Variants in PSG7 observed in about 807,000 individuals in gnomAD.
PSG7 encodes the protein pregnancy-specific beta-1-glycoprotein 7.
Under a neutral mutation model 45.6 loss-of-function variants are expected in PSG7, and 57 were observed. The observed-to-expected ratio is 1.25, with a 90% CI of 1.01 to 1.56. The LOEUF (loss-of-function observed/expected upper bound fraction) is 1.56, where lower values mean the gene tolerates loss of function less well. PSG7 is among the 40% of genes most tolerant of loss of function. The pLI, the probability that PSG7 is intolerant of heterozygous loss-of-function variation, is 0.00. For synonymous variants in PSG7, 298 were observed against 194.4 expected (o/e 1.53, Z -4.43); for missense variants, 796 against 508.4 (o/e 1.57, Z -5.44).
At chr19:42,925,051 C>G (rs1291067648) in intron 5 of PSG7, 2 of 552,580 alleles carry the variant, frequency 3.6e-6, no homozygotes, top group Non-Finnish European at 6.3e-6. Context: ...TATGTAGGCT[C>G]TCTTTTAAAA....
At chr19:42,934,869 T>A (rs1973110652) in intron 2 of PSG7, among the ~76,000 whole-genome samples, 1 of 151,712 alleles carries the variant, frequency 6.6e-6, no homozygotes. Flanking sequence ...GGCTGAGCCC[T>A]GGCTGGTGAA....
intron 1 of PSG7, 99 bp downstream of exon 1, chr19:42,936,914 T>TGA: frequency 6.5e-7 from 1 of 1,536,312 alleles, no homozygotes; most frequent in Non-Finnish European, 8.9e-7. Context: ...CCCAAAGTGC[T>TGA]GGCTTCTTTT....
intron 2 of PSG7, among the ~76,000 whole-genome samples, chr19:42,933,285 A>T (rs1568459426): frequency 3.6e-4 from 3 of 8,226 alleles, no homozygotes; most frequent in African/African-American, 1.0e-3. Flanking sequence ...ATATATATAT[A>T]TATATATATA....
At chr19:42,926,415 A>G (rs1244400855) in intron 4 of PSG7, 23 bp downstream of exon 4, 1 of 1,610,188 alleles carries the variant, frequency 6.2e-7, no homozygotes, top group Non-Finnish European at 8.5e-7. Flanking sequence ...ACAGAGGAAG[A>G]AAGGATACTC....
intron 1 of PSG7, 104 bp from the exon 2 acceptor site, chr19:42,935,873 G>C (rs1202152334): frequency 1.6e-4 from 115 of 729,270 alleles, no homozygotes; most frequent in Admixed American, 2.6e-4. Context: ...CAGCCTTGAA[G>C]ACACACACAC....
In PSG7 at chr19:42,926,172, C is replaced by G. The variant is rs181004931; in HGVS notation, c.989-145G>C. On this transcript the variant is annotated intron_variant, in intron 4 of 5. Coordinates refer to ENST00000406070, the MANE Select transcript of PSG7 (RefSeq NM_002783.3). ...CCCCTCTATGTTCACTGAGCCGAAG[C>G]CTGAGGTATTCACCTGTTTCTCCCA... is the stretch of plus-strand genomic sequence containing the variant. 3.0e-5 allele frequency: 44 copies of G among 1,443,456 alleles called. 1 individual carries two copies. The Admixed American group carries it at 6.9e-4, about 23-fold the overall frequency. The allele number at this position is 1,443,456 out of a possible 1,614,324, so 89.4% of individuals were successfully genotyped here. A position where few individuals can be genotyped will look rare whatever the true frequency, so the allele number is the denominator to read the frequency against.
intron 2 of PSG7, among the ~76,000 whole-genome samples, chr19:42,930,999 C>G (rs1246120783): frequency 6.6e-6 from 1 of 151,518 alleles, no homozygotes; most frequent in Non-Finnish European, 1.5e-5. Flanking sequence ...CCACAATGCG[C>G]CAGTGAGCAC....
At chr19:42,932,598 G>A (rs111573589) in intron 2 of PSG7, among the ~76,000 whole-genome samples, 8 of 151,464 alleles carry the variant, frequency 5.3e-5, no homozygotes, top group South Asian at 2.1e-4. Flanking sequence ...GCAAACTAGC[G>A]TGGCTGACTC....
rs1568461441 is a variant in PSG7, at chr19:42,935,915, A to ACAAAAAC, written c.65-147_65-146insGTTTTTG. ...ACACACACACACACACACACACACA[A>ACAAAAAC]ACACACACACACACATATAAAAGGG... On this transcript the variant is annotated intron_variant, in intron 1 of 5. Transcript: ENST00000406070. 1.3e-4 allele frequency: 41 copies of ACAAAAAC among 322,710 alleles called. 2 individuals carry two copies. The highest frequency in any genetic ancestry group is 1.2e-3 in the Admixed American group (16 of 13,352). The allele number at this position is 322,710 out of a possible 1,614,324, so 20.0% of individuals were successfully genotyped here.
intron 3 of PSG7, chr19:42,929,173 T>G (rs1972961657): frequency 4.0e-6 from 3 of 755,890 alleles, no homozygotes; most frequent in Non-Finnish European, 6.0e-6. Flanking sequence ...CCCGCTGTGT[T>G]CATGATCTGG....
At chr19:42,930,849 C>G (rs1315949923) in intron 2 of PSG7, among the ~76,000 whole-genome samples, 1 of 151,588 alleles carries the variant, frequency 6.6e-6, no homozygotes, top group Admixed American at 6.6e-5. Flanking sequence ...TGTACAGCCT[C>G]ATGCCTATAG....
chr19:42,937,020 C>G lies in PSG7; in HGVS notation c.57G>C (p.Leu19=). 3 of 1,611,420 alleles carry G rather than the reference C, an allele frequency of 1.9e-6. No individual in the cohort carries two copies. The highest frequency in any genetic ancestry group is 2.5e-6 in the Non-Finnish European group (3 of 1,178,474). The change falls in exon 1 of 6, where the codon CTG becomes CTC. Residue 19 remains leucine, a synonymous_variant. Transcript: ENST00000406070. The part of the protein sequence containing the change: ...CTQHITWKGL[L]LTASLLNFWN... ...AGGAAGTTCTCTCCTCACCTGTGAG[C>G]AGGAGCCCTTTCCAGGTTATATGCT...
At chr19:42,926,066 G>C (rs200429477) in intron 4 of PSG7, 39 bp from the exon 5 acceptor site, 2 of 1,602,434 alleles carry the variant, frequency 1.2e-6, no homozygotes, top group African/African-American at 2.7e-5. Context: ...GATGTTATCC[G>C]AGGGAAGGGG....
rs879285001 is a variant in PSG7, at chr19:42,929,298, C to G, written c.709+144G>C. The stretch of plus-strand genomic sequence containing the variant: ...TCAAGCCTAGGCCTACTCTGGTTTG[C>G]CTGGGGCAGGAAGTCACCACCAGCT... On this transcript the variant is annotated intron_variant, in intron 3 of 5. Transcript: ENST00000406070. 2.8e-5 allele frequency: 44 copies of G among 1,553,832 alleles called. 1 individual carries two copies. The highest frequency in any genetic ancestry group is 2.0e-4 in the Middle Eastern group (1 of 5,090).
At position 42,929,721 on chromosome 19, in the gene PSG7, C is replaced by G. The variant is rs1972978060; in HGVS notation, c.431-1G>C. On this transcript the variant is annotated splice_acceptor_variant, in intron 2 of 5. Transcript: ENST00000406070. LOFTEE classifies it high-confidence loss of function. ...GAGATGGAGGGTTTGGGAGTCTCCA[C>G]TGTGCGGAAAACAGAGAGAAGATTG... is the stretch of plus-strand genomic sequence containing the variant. The G allele has an allele frequency of 4.3e-6, 7 of 1,611,272 alleles. No homozygotes were observed. The highest frequency in any genetic ancestry group is 5.9e-6 in the Non-Finnish European group (7 of 1,178,588).
At position 42,933,288 on chromosome 19, in the gene PSG7, T is replaced by TAC. The variant is rs1237632040; in HGVS notation, c.430+2115_430+2116insGT. 6.4e-3 allele frequency among the ~76,000 whole-genome samples: 77 copies of TAC among 11,974 alleles called. 5 individuals carry two copies. The highest frequency in any genetic ancestry group is 0.013 in the African/African-American group (68 of 5,388). The allele number at this position is 11,974 out of a possible 152,430, so 7.9% of individuals were successfully genotyped here. On this transcript the variant is annotated intron_variant, in intron 2 of 5. Coordinates refer to ENST00000406070, the MANE Select transcript of PSG7 (RefSeq NM_002783.3). ...TTCAATATATATATATATATATATA[T>TAC]ATATATATATATATATATATTTTTT...
At chr19:42,933,295 A>ATTTTTTTTTTT (rs1168854490) in intron 2 of PSG7, among the ~76,000 whole-genome samples, 1 of 11,900 alleles carries the variant, frequency 8.4e-5, no homozygotes, top group African/African-American at 2.4e-4. Flanking sequence ...ATATATATAT[A>ATTTTTTTTTTT]TATATATATA....
chr19:42,926,783 A>G lies in PSG7; in HGVS notation c.710-67T>C, dbSNP rs547419209. ...TTGATTCCTCCACAGGCATCCTTCA[A>G]TTAGAGTTGGCATCTCCCACCTGTC... On this transcript the variant is annotated intron_variant, in intron 3 of 5. Transcript: ENST00000406070. 11 of 1,587,348 alleles carry G rather than the reference A, an allele frequency of 6.9e-6. 1 individual carries two copies. Among genetic ancestry groups the G allele is most frequent in the South Asian group, 2.3e-5 (2 of 86,806 alleles).
intron 2 of PSG7, among the ~76,000 whole-genome samples, chr19:42,931,894 TC>T (rs369285000): frequency 0.16 from 24,777 of 151,404 alleles, 2,621 homozygotes; most frequent in African/African-American, 0.22. Flanking sequence ...CCACTTTTTT[TC>T]CCCCACTCTT....
Sources: allele counts gnomAD v4.1 joint callset (sites outside exome capture counted in the v4.1 genomes callset), GRCh38; gene constraint gnomAD v4.1.1; transcripts MANE v1.5; gene names NCBI Gene and HGNC (gene_info 2026-07-23, HGNC 2026-07-21).